The following CTNNBIP1 variants were observed in gnomAD, a reference collection of about 807,000 sequenced individuals.
CTNNBIP1 encodes catenin beta interacting protein 1.
Under a neutral mutation model 11.8 loss-of-function variants are expected in CTNNBIP1, and 7 were observed. That is an observed-to-expected ratio of 0.60 (90% confidence interval 0.34 to 1.12). The LOEUF (loss-of-function observed/expected upper bound fraction) is 1.12. CTNNBIP1 is among the 50% of genes most tolerant of loss of function. The pLI is 0.03. For missense variants in CTNNBIP1, 101 were observed against 113.4 expected (o/e 0.89, Z 0.50); for synonymous variants, 58 against 43.9 (o/e 1.32, Z -1.26).
At chr1:9,893,830 A>G (rs1272449328) in intron 1 of CTNNBIP1, among the ~76,000 whole-genome samples, 2 of 152,208 alleles carry the variant, frequency 1.3e-5, no homozygotes, top group Non-Finnish European at 2.9e-5. Context: ...TGCTTCTAGA[A>G]AAGTCACTGA....
chr1:9,899,530 G>A (rs2101541178), intron 1 of CTNNBIP1, among the ~76,000 whole-genome samples: 1 of 150,606 alleles, frequency 6.6e-6, no homozygotes, highest in East Asian at 2.0e-4. Flanking sequence ...GGAGGCCGAG[G>A]TGGGTAGGTC....
intron 1 of CTNNBIP1, among the ~76,000 whole-genome samples, chr1:9,903,735 CA>C (rs1272835095): frequency 7.9e-5 from 12 of 152,178 alleles, no homozygotes; most frequent in Admixed American, 5.9e-4. Flanking sequence ...CAGGGTCAGA[CA>C]AGACAGGGAA....
intron 3 of CTNNBIP1, among the ~76,000 whole-genome samples, chr1:9,876,710 T>C (rs1471824770): frequency 2.0e-5 from 3 of 152,218 alleles, no homozygotes; most frequent in South Asian, 2.1e-4. Context: ...TTATTTATTA[T>C]GTAGTAGGCA....
rs1233423170 is a variant in CTNNBIP1 at position 9,883,011 on chromosome 1, C to T, written c.-110+694G>A. On this transcript the variant is annotated intron_variant, in intron 2 of 5. Coordinates refer to ENST00000377263, the MANE Select transcript of CTNNBIP1 (RefSeq NM_020248.3). The surrounding 1 kb of genome is among the most constrained non-coding windows in gnomAD (Gnocchi z 5.6). Reference sequence around the variant, plus strand: ...AGAATGGGGGGCCTCAGGAAGAAAACACGTGCAAGCACGGGTGGGGCAGCC... The same window carrying T: ...AGAATGGGGGGCCTCAGGAAGAAAATACGTGCAAGCACGGGTGGGGCAGCC... Among the ~76,000 whole-genome samples, 2 of 152,198 alleles carry T rather than the reference C, an allele frequency of 1.3e-5. No homozygotes were observed. The highest frequency in any genetic ancestry group is 2.9e-5 in the Non-Finnish European group (2 of 68,042).
intron 5 of CTNNBIP1, among the ~76,000 whole-genome samples, chr1:9,857,652 T>G (rs1006113433): frequency 1.3e-5 from 2 of 151,902 alleles, no homozygotes; most frequent in Non-Finnish European, 2.9e-5. Context: ...AATACAAACA[T>G]TAGCCAGATG....
chr1:9,870,875 T>G (rs1638845932), intron 5 of CTNNBIP1, among the ~76,000 whole-genome samples: 1 of 152,190 alleles, frequency 6.6e-6, no homozygotes, highest in Admixed American at 6.5e-5. Flanking sequence ...AATGCAATAA[T>G]CAGTCTCTGC....
intron 1 of CTNNBIP1, among the ~76,000 whole-genome samples, chr1:9,905,095 T>A (rs2101549560): frequency 6.6e-6 from 1 of 152,318 alleles, no homozygotes; most frequent in South Asian, 2.1e-4. Flanking sequence ...AATGTCCTGT[T>A]CTGTCTTTTA....
At chr1:9,869,697 T>C (rs966968226) in intron 5 of CTNNBIP1, among the ~76,000 whole-genome samples, 1 of 152,146 alleles carries the variant, frequency 6.6e-6, no homozygotes, top group East Asian at 1.9e-4. Flanking sequence ...CCCAAGAGTA[T>C]TCAACTGGAG....
chr1:9,895,158 C>T (rs3120822), intron 1 of CTNNBIP1, among the ~76,000 whole-genome samples: 26,205 of 151,844 alleles, frequency 0.17, 2,378 homozygotes, highest in South Asian at 0.34. Flanking sequence ...ACGCCCGCCT[C>T]GGCCTCCCGA....
intron 5 of CTNNBIP1, among the ~76,000 whole-genome samples, chr1:9,853,423 C>T (rs975735912): frequency 5.9e-5 from 9 of 152,258 alleles, no homozygotes; most frequent in South Asian, 2.1e-4. Flanking sequence ...GGCCAGTTAC[C>T]GAATAGGGAG....
At chr1:9,880,094 C>T (rs1235917420) in intron 2 of CTNNBIP1, among the ~76,000 whole-genome samples, 1 of 152,124 alleles carries the variant, frequency 6.6e-6, no homozygotes, top group African/African-American at 2.4e-5. Flanking sequence ...GATTCGCATG[C>T]ATTAGGTATT....
intron 1 of CTNNBIP1, among the ~76,000 whole-genome samples, chr1:9,891,601 C>A (rs555850682): frequency 6.6e-6 from 1 of 152,038 alleles, no homozygotes; most frequent in African/African-American, 2.4e-5. Flanking sequence ...GGCTGAGAGA[C>A]CCCAGGTGCA....
chr1:9,908,470 T>TTCA (rs1164722883), intron 1 of CTNNBIP1, among the ~76,000 whole-genome samples: 2 of 149,080 alleles, frequency 1.3e-5, no homozygotes, highest in African/African-American at 5.0e-5. Flanking sequence ...ACCTCCCGGG[T>TTCA]TCACGCCATT....
chr1:9,903,008 G>A lies in CTNNBIP1; in HGVS notation c.-144+7087C>T, dbSNP rs144726914. Among the ~76,000 whole-genome samples the A allele has an allele frequency of 9.6e-3, 1,468 of 152,220 alleles. 28 individuals are homozygous for A. The highest frequency in any genetic ancestry group is 0.032 in the African/African-American group (1,348 of 41,530). On this transcript the variant is annotated intron_variant, in intron 1 of 5. Transcript: ENST00000377263. The stretch of plus-strand genomic sequence containing the variant: ...TCTCAATCTCCTGACCTCGTGATCC[G>A]CCTGCCTTGGCCTCCCAAAGTGCTG...
chr1:9,861,413 G>T (rs1570563601), intron 5 of CTNNBIP1, among the ~76,000 whole-genome samples: 1 of 152,224 alleles, frequency 6.6e-6, no homozygotes, highest in African/African-American at 2.4e-5. Context: ...TGAGCTGGGT[G>T]TTCTATACAT....
At chr1:9,903,441 G>A (rs1312140746) in intron 1 of CTNNBIP1, among the ~76,000 whole-genome samples, 1 of 152,216 alleles carries the variant, frequency 6.6e-6, no homozygotes. Flanking sequence ...TTCAAAAGGG[G>A]AGAACAATGT....
intron 5 of CTNNBIP1, among the ~76,000 whole-genome samples, chr1:9,857,829 A>G (rs1365658201): frequency 6.6e-6 from 1 of 152,158 alleles, no homozygotes; most frequent in Non-Finnish European, 1.5e-5. Context: ...AACAACAAAA[A>G]TCCAAAACTA....
At chr1:9,884,795 G>T (rs954317238) in intron 1 of CTNNBIP1, among the ~76,000 whole-genome samples, 2 of 152,162 alleles carry the variant, frequency 1.3e-5, no homozygotes, top group Non-Finnish European at 2.9e-5. Flanking sequence ...ACAGGAGTGT[G>T]AGGGTGGGCA....
intron 1 of CTNNBIP1, among the ~76,000 whole-genome samples, chr1:9,899,774 A>C (rs1390615087): frequency 6.6e-6 from 1 of 150,608 alleles, no homozygotes; most frequent in Admixed American, 6.6e-5. Context: ...AAAGAAAGAA[A>C]GAAAGAAAGA....
Sources: allele counts gnomAD v4.1 joint callset (sites outside exome capture counted in the v4.1 genomes callset), GRCh38; gene constraint gnomAD v4.1.1; non-coding constraint Gnocchi (gnomAD v3.1); transcripts MANE v1.5; gene names NCBI Gene and HGNC (gene_info 2026-07-23, HGNC 2026-07-21).